Variants in PTK2 observed in about 807,000 individuals in gnomAD.
The protein encoded by PTK2 is protein tyrosine kinase 2.
In PTK2, 45 loss-of-function variants were observed where a neutral mutation model predicts 150.1. The observed-to-expected ratio is 0.30, with a 90% CI of 0.24 to 0.38. The LOEUF (loss-of-function observed/expected upper bound fraction) is 0.38, where lower values mean the gene tolerates loss of function less well. Among genes scored for constraint, PTK2 ranks in the 10% least tolerant of loss-of-function variants. The probability of loss-of-function intolerance (pLI) is 1.00; values close to 1 mark genes in which losing one functional copy is unlikely to be tolerated. For missense variants in PTK2, 919 were observed against 1,307.3 expected (o/e 0.70, Z 4.58); for synonymous variants, 432 against 449.2 (o/e 0.96, Z 0.48).
intron 22 of PTK2, among the ~76,000 whole-genome samples, chr8:140,731,659 C>T (rs2100049462): frequency 6.6e-6 from 1 of 152,128 alleles, no homozygotes; most frequent in Non-Finnish European, 1.5e-5. Flanking sequence ...CTTTGAAAGG[C>T]CAAGGTGGGT....
chr8:140,910,214 A>G (rs917922893), intron 2 of PTK2, among the ~76,000 whole-genome samples: 1 of 152,188 alleles, frequency 6.6e-6, no homozygotes, highest in Non-Finnish European at 1.5e-5. Context: ...TAGAAAAATA[A>G]AAGAGTGGGG....
chr8:140,977,488 G>A (rs2100189693), intron 1 of PTK2, among the ~76,000 whole-genome samples: 1 of 152,078 alleles, frequency 6.6e-6, no homozygotes, highest in Non-Finnish European at 1.5e-5. Context: ...TGGGCATGGT[G>A]GTGCACACCT....
At chr8:140,770,943 A>C (rs1280628764) in intron 14 of PTK2, 144 bp from the exon 15 acceptor site, 15 of 235,510 alleles carry the variant, frequency 6.4e-5, no homozygotes. Context: ...GGCATGCCTT[A>C]TTTCTTACTA....
At chr8:141,001,308 G>T (rs1307113951), upstream of PTK2, 1 of 147,216 alleles carries the variant, frequency 6.8e-6, no homozygotes, top group Non-Finnish European at 1.5e-5. Flanking sequence ...GCCCGCGCGC[G>T]TGCGCGGCAG....
chr8:140,954,532 C>T (rs1490909137), intron 1 of PTK2, among the ~76,000 whole-genome samples: 1 of 152,094 alleles, frequency 6.6e-6, no homozygotes, highest in Non-Finnish European at 1.5e-5. Context: ...CGTTATTAAC[C>T]ATTATTATAC....
At chr8:140,740,145 T>C (rs2100054881) in intron 20 of PTK2, among the ~76,000 whole-genome samples, 1 of 152,164 alleles carries the variant, frequency 6.6e-6, no homozygotes, top group East Asian at 1.9e-4. Flanking sequence ...TAGTAAACAT[T>C]TCCTCAACTG....
At chr8:140,880,379 A>C (rs1416379673) in intron 3 of PTK2, among the ~76,000 whole-genome samples, 1 of 152,060 alleles carries the variant, frequency 6.6e-6, no homozygotes, top group Non-Finnish European at 1.5e-5. Context: ...GTTAGAACTG[A>C]CTCTTGCCCT....
chr8:140,746,007 A>AAAAAAAG (rs1338709885), intron 18 of PTK2, among the ~76,000 whole-genome samples: 1 of 151,968 alleles, frequency 6.6e-6, no homozygotes, highest in Non-Finnish European at 1.5e-5. Flanking sequence ...CTCAAAAAAA[A>AAAAAAAG]AAAAAAGAAA....
chr8:140,981,367 C>T (rs763527985), intron 1 of PTK2, among the ~76,000 whole-genome samples: 5 of 151,902 alleles, frequency 3.3e-5, no homozygotes, highest in Admixed American at 6.6e-5. Context: ...AGAGTGGCAC[C>T]GGTGTGAGGG....
At chr8:140,903,285 G>GTCAGGTTTGTCAGGTTT (rs2100159506) in intron 2 of PTK2, among the ~76,000 whole-genome samples, 1 of 152,008 alleles carries the variant, frequency 6.6e-6, no homozygotes, top group Non-Finnish European at 1.5e-5. Context: ...AAGATCAGAT[G>GTCAGGTTTGTCAGGTTT]GTTGTAGATG....
chr8:140,774,086 C>T (rs188551498), intron 14 of PTK2, among the ~76,000 whole-genome samples: 95 of 152,328 alleles, frequency 6.2e-4, no homozygotes, highest in African/African-American at 2.2e-3. Context: ...CCTACCTATT[C>T]CCTTTTAGAA....
In PTK2 at chr8:140,920,813, C is replaced by A; in HGVS notation, c.-33+4848G>T. The A allele has an allele frequency of 1.3e-6, 2 of 1,507,874 alleles. 1 individual carries two copies. The highest frequency in any genetic ancestry group is 3.4e-4 in the Middle Eastern group (2 of 5,868). The allele number at this position is 1,507,874 out of a possible 1,614,324, so 93.4% of individuals were successfully genotyped here. A position where few individuals can be genotyped will look rare whatever the true frequency, so the allele number is the denominator to read the frequency against. On this transcript the variant is annotated intron_variant, in intron 2 of 31. Transcript: ENST00000522684. ...GGAACATATTTTTAAGTTATTTATACCTTTAGCCCAACACACTGGAAATGG... is the reference window on the plus strand; with the variant it reads ...GGAACATATTTTTAAGTTATTTATAACTTTAGCCCAACACACTGGAAATGG...
Position 140,847,851 on chromosome 8 carries a change from A to T in PTK2, c.451-1173T>A, listed in dbSNP as rs189503063. On this transcript the variant is annotated intron_variant, in intron 5 of 31. Coordinates refer to ENST00000522684, the Ensembl canonical transcript of PTK2. ...AGCCTGCTAGCCCATTTGTTCAAAG[A>T]GTCCCACCCCCAGTTAACTCATCTC... is the stretch of plus-strand genomic sequence containing the variant. Among the ~76,000 whole-genome samples the T allele has an allele frequency of 3.9e-5, 6 of 152,268 alleles. No individual in the cohort carries two copies. The East Asian group carries it at 1.2e-3, about 29-fold the overall frequency.
chr8:140,933,656 T>C (rs938607787), intron 1 of PTK2, among the ~76,000 whole-genome samples: 2 of 152,220 alleles, frequency 1.3e-5, no homozygotes, highest in African/African-American at 4.8e-5. Flanking sequence ...AGAGACCACA[T>C]ACAGCCTGAT....
intron 26 of PTK2, among the ~76,000 whole-genome samples, chr8:140,689,607 A>G (rs1590246118): frequency 1.3e-5 from 2 of 152,246 alleles, no homozygotes; most frequent in Admixed American, 6.5e-5. Flanking sequence ...GAACATCCTT[A>G]TTTTTAGGAA....
chr8:140,873,282 G>A (rs577688582), intron 4 of PTK2, among the ~76,000 whole-genome samples: 14 of 152,322 alleles, frequency 9.2e-5, no homozygotes, highest in African/African-American at 3.1e-4. Flanking sequence ...TCCAGCTACA[G>A]AGAGTGTCAG....
chr8:140,790,267 G>A (rs959584742), intron 13 of PTK2, among the ~76,000 whole-genome samples: 3 of 152,118 alleles, frequency 2.0e-5, no homozygotes, highest in Non-Finnish European at 2.9e-5. Context: ...AAACAGTATA[G>A]GTTGAATATC....
At chr8:140,663,016 GA>G in intron 31 of PTK2, 2 of 373,596 alleles carry the variant, frequency 5.4e-6, no homozygotes, top group East Asian at 3.8e-5. Context: ...ACAGGCGACG[GA>G]AAAGTGCTAC....
intron 13 of PTK2, among the ~76,000 whole-genome samples, chr8:140,789,840 C>T (rs1230939467): frequency 6.6e-6 from 1 of 151,908 alleles, no homozygotes; most frequent in Non-Finnish European, 1.5e-5. Context: ...AATTTAAATG[C>T]TACACACTAA....
Sources: allele counts gnomAD v4.1 joint callset (sites outside exome capture counted in the v4.1 genomes callset), GRCh38; gene constraint gnomAD v4.1.1; transcripts MANE v1.5; gene names NCBI Gene and HGNC (gene_info 2026-07-23, HGNC 2026-07-21).